PLXNC1: variants seen among roughly 807,000 people sequenced by gnomAD.
The protein encoded by PLXNC1 is plexin C1, also known as plexin-C1.
In PLXNC1, 75 loss-of-function variants were observed where a neutral mutation model predicts 178.2. The observed-to-expected ratio is 0.42, with a 90% CI of 0.35 to 0.51. The LOEUF (loss-of-function observed/expected upper bound fraction) is 0.51. PLXNC1 is among the 20% of genes least tolerant of loss of function. PLXNC1 has a pLI of 0.02. For missense variants in PLXNC1, 1,503 were observed against 1,984.4 expected (o/e 0.76, Z 4.61); for synonymous variants, 790 against 779.9 (o/e 1.01, Z -0.22).
In PLXNC1 at chr12:94,244,103, G is replaced by A; in HGVS notation, c.2388+78G>A. The stretch of plus-strand genomic sequence containing the variant: ...TTCATCACACTATGCTATGTTGGGG[G>A]TATTTTTTGTTTCTGTGACTTTGGT... On this transcript the variant is annotated intron_variant, in intron 12 of 30. Coordinates refer to ENST00000258526, the MANE Select transcript of PLXNC1 (RefSeq NM_005761.3). 13 of 766,450 alleles carry A rather than the reference G, an allele frequency of 1.7e-5. No individual in the cohort carries two copies. The South Asian group carries it at 2.6e-4, about 15-fold the overall frequency. The allele number at this position is 766,450 out of a possible 1,614,324, so 47.5% of individuals were successfully genotyped here. A position where few individuals can be genotyped will look rare whatever the true frequency, so the allele number is the denominator to read the frequency against.
At chr12:94,280,799 CT>C (rs1281475582) in intron 22 of PLXNC1, among the ~76,000 whole-genome samples, 1 of 152,230 alleles carries the variant, frequency 6.6e-6, no homozygotes, top group Admixed American at 6.5e-5. Context: ...GGTCCTGCCG[CT>C]GATGAGTAGG....
chr12:94,186,221 T>C (rs1244376886), intron 3 of PLXNC1, 152 bp from the exon 4 acceptor site: 1 of 602,068 alleles, frequency 1.7e-6, no homozygotes, highest in Non-Finnish European at 3.0e-6. Flanking sequence ...CTTCATGTCC[T>C]AGATCTTGAG....
chr12:94,155,878 T>A (rs908566234), intron 1 of PLXNC1, among the ~76,000 whole-genome samples: 5 of 152,178 alleles, frequency 3.3e-5, no homozygotes, highest in African/African-American at 4.8e-5. Context: ...GTTGGTTGCA[T>A]GGAATAAAGA....
At position 94,306,379 on chromosome 12, in the gene PLXNC1, C is replaced by T. The variant is rs1283428067; in HGVS notation, c.*1094C>T. On this transcript the variant is annotated 3_prime_UTR_variant, in exon 31 of 31. Coordinates refer to ENST00000258526, the MANE Select transcript of PLXNC1 (RefSeq NM_005761.3). ...CTATGTACTTTTTGAAAGTATTCCT[C>T]GCAGGAGAAAGAATTTAAAATACCC... 4 of 152,094 alleles carry T rather than the reference C, an allele frequency of 2.6e-5. No individual in the cohort carries two copies. The highest frequency in any genetic ancestry group is 1.3e-4 in the Admixed American group (2 of 15,260). The allele number at this position is 152,094 out of a possible 1,614,324, so 9.4% of individuals were successfully genotyped here.
rs1387745512 is a variant in PLXNC1, at chr12:94,149,677, G to A, written c.706G>A (p.Asp236Asn). 5 of 1,610,228 alleles carry A rather than the reference G, an allele frequency of 3.1e-6. No individual in the cohort carries two copies. Among genetic ancestry groups the A allele is most frequent in the Non-Finnish European group, 4.2e-6 (5 of 1,178,464 alleles). Reference protein sequence around the residue: ...CEGAGSLHFVDAFLWNGSIYF... With the variant: ...CEGAGSLHFVNAFLWNGSIYF... ...GGGCGCGGGCAGCCTGCACTTCGTG[G>A]ACGCCTTTCTCTGGAACGGCAGCAT... Residue 236 changes from aspartate (D) to asparagine (N), a missense_variant, in exon 1 of 31, where the codon GAC (aspartate) becomes AAC (asparagine). Transcript: ENST00000258526.
chr12:94,272,991 G>A (rs1215163803), intron 21 of PLXNC1, among the ~76,000 whole-genome samples: 2 of 152,142 alleles, frequency 1.3e-5, no homozygotes, highest in Non-Finnish European at 2.9e-5. Flanking sequence ...TCTTCGCTTC[G>A]CAGCCCAGAG....
At chr12:94,173,469 C>T (rs945422551) in intron 2 of PLXNC1, among the ~76,000 whole-genome samples, 1 of 152,168 alleles carries the variant, frequency 6.6e-6, no homozygotes, top group Non-Finnish European at 1.5e-5. Flanking sequence ...GAAGAATAAT[C>T]GCTAACATTT....
intron 12 of PLXNC1, among the ~76,000 whole-genome samples, chr12:94,247,256 C>T (rs1250136870): frequency 6.6e-6 from 1 of 152,100 alleles, no homozygotes; most frequent in Non-Finnish European, 1.5e-5. Context: ...AATCAGGCCA[C>T]CTTTTTTGCA....
chr12:94,149,280 C>T lies in PLXNC1; in HGVS notation c.309C>T (p.Ser103=). The T allele has an allele frequency of 6.6e-7, 1 of 1,510,514 alleles. No homozygotes were observed. Among genetic ancestry groups the T allele is most frequent in the Non-Finnish European group, 8.8e-7 (1 of 1,138,436 alleles). 93.6% of individuals were successfully genotyped at this position (1,510,514 alleles called of 1,614,324 possible). A position where few individuals can be genotyped will look rare whatever the true frequency, so the allele number is the denominator to read the frequency against. The change falls in exon 1 of 31, where the codon AGC becomes AGT. Residue 103 remains serine, a synonymous_variant. Coordinates refer to ENST00000258526, the MANE Select transcript of PLXNC1 (RefSeq NM_005761.3). ...CCCCCGCGCGGCCCCGGCCCGGGAG[C>T]AGCTTCAGCAAGCTGCTGCTGCCCT... ...LAPPARPRPG[S]SFSKLLLPYR... is the part of the protein sequence containing the mutation.
intron 20 of PLXNC1, chr12:94,262,373 C>A: frequency 1.9e-6 from 1 of 529,288 alleles, no homozygotes; most frequent in Non-Finnish European, 2.4e-6. Flanking sequence ...CTTTAAATCC[C>A]TTTCCAGCTC....
rs1387637567 is a variant in PLXNC1 at position 94,282,735 on chromosome 12, T to C, written c.3879+334T>C. ...AGCCTTCACTGGGTGACAAGCGTGC[T>C]GATGCTAAACAAAGCCCGGGAAGTC... On this transcript the variant is annotated intron_variant, in intron 23 of 30. Coordinates refer to ENST00000258526, the MANE Select transcript of PLXNC1 (RefSeq NM_005761.3). The C allele has an allele frequency of 1.5e-5, 3 of 195,628 alleles. No individual in the cohort carries two copies. The Admixed American group carries it at 1.6e-4, about 11-fold the overall frequency. The allele number at this position is 195,628 out of a possible 1,614,324, so 12.1% of individuals were successfully genotyped here. A position where few individuals can be genotyped will look rare whatever the true frequency, so the allele number is the denominator to read the frequency against.
At position 94,300,994 on chromosome 12, in the gene PLXNC1, T is replaced by A; in HGVS notation, c.4323T>A (p.Cys1441Ter). 6.2e-7 allele frequency: 1 copy of A among 1,613,854 alleles called. No individual in the cohort carries two copies. The change falls in exon 28 of 31, where the codon TGT (cysteine) becomes TGA (stop). Residue 1441 changes from cysteine to a stop codon, truncating the protein, a stop_gained. Coordinates refer to ENST00000258526, the MANE Select transcript of PLXNC1 (RefSeq NM_005761.3). LOFTEE classifies it high-confidence loss of function. ...AGAAGACACCACATATAGACGGCTG[T>A]TTGTCAGTGATTGCCCAGGCATTCA... ...DIKKTPHIDG[C>*]LSVIAQAFMD...
intron 11 of PLXNC1, among the ~76,000 whole-genome samples, chr12:94,242,911 G>C (rs981389509): frequency 1.3e-5 from 2 of 152,152 alleles, no homozygotes; most frequent in East Asian, 1.9e-4. Flanking sequence ...GTTGGGCTCT[G>C]AGCCACAGCA....
At chr12:94,291,206 T>G (rs1320522269) in intron 23 of PLXNC1, among the ~76,000 whole-genome samples, 1 of 152,218 alleles carries the variant, frequency 6.6e-6, no homozygotes, top group Non-Finnish European at 1.5e-5. Flanking sequence ...AATGTATACA[T>G]TTAAAATCTG....
intron 9 of PLXNC1, among the ~76,000 whole-genome samples, chr12:94,229,211 G>T (rs914046723): frequency 1.3e-5 from 2 of 152,174 alleles, no homozygotes; most frequent in Non-Finnish European, 1.5e-5. Flanking sequence ...CTTCTCTGGA[G>T]AAATGTCTAA....
intron 5 of PLXNC1, among the ~76,000 whole-genome samples, chr12:94,215,563 T>TAGATAGATAGAC (rs1441546402): frequency 1.3e-5 from 2 of 148,382 alleles, no homozygotes; most frequent in East Asian, 3.9e-4. Flanking sequence ...AGATGATAGA[T>TAGATAGATAGAC]AGATAGATAG....
At chr12:94,233,072 C>T (rs1348769875) in intron 9 of PLXNC1, among the ~76,000 whole-genome samples, 1 of 152,176 alleles carries the variant, frequency 6.6e-6, no homozygotes, top group Non-Finnish European at 1.5e-5. Context: ...CGATCCATGC[C>T]ACACATGTAG....
chr12:94,265,674 C>T (rs1592833647), intron 21 of PLXNC1, among the ~76,000 whole-genome samples: 1 of 152,192 alleles, frequency 6.6e-6, no homozygotes, highest in African/African-American at 2.4e-5. Flanking sequence ...CCCCATGCAA[C>T]GTGACGCCCT....
At chr12:94,269,430 AT>A (rs1965442899) in intron 21 of PLXNC1, among the ~76,000 whole-genome samples, 1 of 152,238 alleles carries the variant, frequency 6.6e-6, no homozygotes, top group African/African-American at 2.4e-5. Context: ...TTTTGGGACA[AT>A]TACGTTTAAT....
Sources: gnomAD v4.1 joint callset for allele counts (sites outside exome capture counted in the v4.1 genomes callset) on GRCh38, gnomAD v4.1.1 for gene constraint, MANE v1.5 for transcripts, NCBI Gene and HGNC (gene_info 2026-07-23, HGNC 2026-07-21) for gene names.